The following PIP5K1B variants were observed in gnomAD, a reference collection of about 807,000 sequenced individuals.
PIP5K1B encodes the protein phosphatidylinositol 4-phosphate 5-kinase type-1 beta.
PIP5K1B carries 42 observed loss-of-function variants against 67.0 expected under a neutral mutation model. The ratio of observed to expected loss-of-function variants is 0.63; its 90% CI spans 0.49 to 0.81. The LOEUF is 0.81. PIP5K1B is among the 30% of genes least tolerant of loss of function. The pLI, the probability that PIP5K1B is intolerant of heterozygous loss-of-function variation, is 0.00. For missense variants in PIP5K1B, 459 were observed against 646.3 expected (o/e 0.71, Z 3.14); for synonymous variants, 214 against 231.4 (o/e 0.92, Z 0.68).
At chr9:68,991,996 G>T (rs886078237) in intron 15 of PIP5K1B, among the ~76,000 whole-genome samples, 12 of 151,628 alleles carry the variant, frequency 7.9e-5, no homozygotes, top group African/African-American at 2.9e-4. Context: ...GCAGAGTTTT[G>T]CTCTTGTTGC....
intron 2 of PIP5K1B, among the ~76,000 whole-genome samples, chr9:68,815,195 C>T (rs1833375134): frequency 6.6e-6 from 1 of 151,122 alleles, no homozygotes; most frequent in Non-Finnish European, 1.5e-5. Flanking sequence ...AAGAACATTT[C>T]ACATCAAAAC....
chr9:68,986,141 T>C (rs1339528399), intron 14 of PIP5K1B, among the ~76,000 whole-genome samples: 2 of 152,246 alleles, frequency 1.3e-5, no homozygotes, highest in Non-Finnish European at 2.9e-5. Context: ...TGTATCATAT[T>C]GCTTTGAGGA....
At chr9:68,711,145 G>A (rs1037616495) in intron 1 of PIP5K1B, among the ~76,000 whole-genome samples, 72 of 152,310 alleles carry the variant, frequency 4.7e-4, no homozygotes, top group Non-Finnish European at 8.2e-4. Flanking sequence ...GGGGTTTGTG[G>A]GGGAGGATAA....
intron 2 of PIP5K1B, among the ~76,000 whole-genome samples, chr9:68,776,273 A>G (rs1830913109): frequency 6.6e-6 from 1 of 152,156 alleles, no homozygotes; most frequent in South Asian, 2.1e-4. Context: ...GCCTTGTCAT[A>G]TATTTGGAAA....
At chr9:68,758,216 G>A (rs1333089394) in intron 2 of PIP5K1B, among the ~76,000 whole-genome samples, 4 of 152,076 alleles carry the variant, frequency 2.6e-5, no homozygotes, top group African/African-American at 4.8e-5. Flanking sequence ...GGATACAACC[G>A]AGAATTACTT....
At chr9:68,970,521 G>A (rs984534680) in intron 14 of PIP5K1B, among the ~76,000 whole-genome samples, 9 of 152,200 alleles carry the variant, frequency 5.9e-5, no homozygotes, top group Non-Finnish European at 1.0e-4. Flanking sequence ...AGGCAGAGTA[G>A]GTTGTGAATA....
At chr9:68,897,697 T>C (rs956125624) in intron 8 of PIP5K1B, among the ~76,000 whole-genome samples, 3 of 152,162 alleles carry the variant, frequency 2.0e-5, no homozygotes, top group Admixed American at 2.0e-4. Context: ...GACTTAGCAG[T>C]AGCAAATCCA....
chr9:68,800,978 A>G (rs1368024720), intron 2 of PIP5K1B, among the ~76,000 whole-genome samples: 1 of 152,164 alleles, frequency 6.6e-6, no homozygotes, highest in East Asian at 1.9e-4. Context: ...CCAGATAGGA[A>G]AAGTGTCGAT....
intron 2 of PIP5K1B, among the ~76,000 whole-genome samples, chr9:68,796,275 C>T (rs1451498185): frequency 6.6e-6 from 1 of 151,526 alleles, no homozygotes. Context: ...GGATGTACCA[C>T]AGTTAATCCA....
intron 15 of PIP5K1B, among the ~76,000 whole-genome samples, chr9:69,003,160 G>C (rs911244269): frequency 2.6e-5 from 4 of 151,990 alleles, no homozygotes; most frequent in African/African-American, 9.7e-5. Flanking sequence ...GGCGGGATGA[G>C]TTGATGTGAT....
chr9:68,931,666 C>T (rs7863960), intron 12 of PIP5K1B, among the ~76,000 whole-genome samples: 1 of 152,136 alleles, frequency 6.6e-6, no homozygotes, highest in East Asian at 1.9e-4. Context: ...GGAGAAAGAA[C>T]AGCATGTGCA....
intron 2 of PIP5K1B, chr9:68,783,501 T>C (rs1013184910): frequency 1.8e-5 from 3 of 167,010 alleles, no homozygotes; most frequent in Admixed American, 6.5e-5. Context: ...AAAATTCATC[T>C]TCCCTTTCCA....
chr9:68,790,112 A>AT (rs1564137719), intron 2 of PIP5K1B, among the ~76,000 whole-genome samples: 1 of 152,072 alleles, frequency 6.6e-6, no homozygotes, highest in Admixed American at 6.6e-5. Context: ...AAACTGTGGC[A>AT]TTTTTTTAAA....
At chr9:68,970,037 A>G (rs887637158) in intron 14 of PIP5K1B, among the ~76,000 whole-genome samples, 1 of 152,188 alleles carries the variant, frequency 6.6e-6, no homozygotes, top group Non-Finnish European at 1.5e-5. Context: ...CCCTTACTTT[A>G]GAAATTGGAA....
chr9:68,725,477 T>G (rs1055570910), intron 1 of PIP5K1B, among the ~76,000 whole-genome samples: 5 of 152,194 alleles, frequency 3.3e-5, no homozygotes, highest in Non-Finnish European at 7.4e-5. Context: ...GAATTTATTT[T>G]GTAAGAATTG....
intron 15 of PIP5K1B, among the ~76,000 whole-genome samples, chr9:69,000,452 T>C (rs1221834667): frequency 6.6e-6 from 1 of 152,194 alleles, no homozygotes; most frequent in Non-Finnish European, 1.5e-5. Context: ...CCAGATTTGG[T>C]GTCTTGAACA....
chr9:68,887,043 C>T (rs2132370587), intron 6 of PIP5K1B, among the ~76,000 whole-genome samples: 1 of 152,360 alleles, frequency 6.6e-6, no homozygotes, highest in African/African-American at 2.4e-5. Flanking sequence ...ATGTGGCTTG[C>T]TGCCTGGTCT....
intron 2 of PIP5K1B, chr9:68,780,221 C>T: frequency 6.5e-7 from 1 of 1,539,868 alleles, no homozygotes. Flanking sequence ...CGGGCGGGAG[C>T]CCGGCGGAGG....
chr9:68,761,419 A>T (rs1830178998), intron 2 of PIP5K1B, among the ~76,000 whole-genome samples: 1 of 152,108 alleles, frequency 6.6e-6, no homozygotes, highest in Admixed American at 6.6e-5. Flanking sequence ...TTCTTCTCTG[A>T]GGTGAAATTT....
Sources: allele counts gnomAD v4.1 joint callset (sites outside exome capture counted in the v4.1 genomes callset), GRCh38; gene constraint gnomAD v4.1.1; transcripts MANE v1.5; gene names NCBI Gene and HGNC (gene_info 2026-07-23, HGNC 2026-07-21).